SLC25A48: variants seen among roughly 807,000 people sequenced by gnomAD.
The protein encoded by SLC25A48 is CTC-321K16.1.
Under a neutral mutation model 32.2 loss-of-function variants are expected in SLC25A48, and 29 were observed. That is an observed-to-expected ratio of 0.90 (90% confidence interval 0.67 to 1.23). The LOEUF is 1.23. SLC25A48 is among the 50% of genes most tolerant of loss of function. The pLI, the probability that SLC25A48 is intolerant of heterozygous loss-of-function variation, is 0.00. For synonymous variants in SLC25A48, 164 were observed against 172.3 expected, an observed-to-expected ratio of 0.95 and a Z score of 0.38; for missense variants, 399 against 422.7, an observed-to-expected ratio of 0.94 and a Z score of 0.49.
At position 135,744,743 on chromosome 5, in the gene SLC25A48, C is replaced by T. The variant is rs578211324; in HGVS notation, c.-520-67780C>T. Among the ~76,000 whole-genome samples the T allele has an allele frequency of 2.6e-5, 4 of 152,228 alleles. No homozygotes were observed. In the South Asian group the frequency reaches 8.3e-4, roughly 32 times the overall value. On this transcript the variant is annotated intron_variant, in intron 3 of 10. Transcript: ENST00000646290. ...CAAACCCAACTCTCTCTTTGAACTC[C>T]TTCAAGATTCTCCCCCTTGGCTGGG...
chr5:135,703,709 A>C (rs529480506), intron 3 of SLC25A48, among the ~76,000 whole-genome samples: 2 of 152,122 alleles, frequency 1.3e-5, no homozygotes, highest in Non-Finnish European at 2.9e-5. Context: ...CTGACACCAC[A>C]CAGTAACTTG....
At chr5:135,755,029 T>C (rs1755862757) in intron 3 of SLC25A48, among the ~76,000 whole-genome samples, 1 of 152,144 alleles carries the variant, frequency 6.6e-6, no homozygotes, top group Non-Finnish European at 1.5e-5. Context: ...ATTGATAATA[T>C]CCAGTGTTTA....
intron 3 of SLC25A48, among the ~76,000 whole-genome samples, chr5:135,781,814 C>T (rs142213521): frequency 0.018 from 2,054 of 115,708 alleles, 629 homozygotes; most frequent in Middle Eastern, 0.046. Context: ...AGTGTACACC[C>T]TTTCTGTGAT....
chr5:135,719,611 A>C (rs1392690560), intron 3 of SLC25A48, among the ~76,000 whole-genome samples: 2 of 152,186 alleles, frequency 1.3e-5, no homozygotes, highest in African/African-American at 4.8e-5. Flanking sequence ...ATCTGAGCCC[A>C]GCCCTGCTCA....
At chr5:135,786,163 G>T (rs984246148) in intron 3 of SLC25A48, among the ~76,000 whole-genome samples, 5 of 151,574 alleles carry the variant, frequency 3.3e-5, no homozygotes, top group African/African-American at 1.2e-4. Context: ...TCATATCCAA[G>T]TGGGGAGACG....
chr5:135,651,344 A>T (rs1159440274), intron 3 of SLC25A48, among the ~76,000 whole-genome samples: 1 of 152,034 alleles, frequency 6.6e-6, no homozygotes, highest in East Asian at 1.9e-4. Flanking sequence ...GGAATGCCAC[A>T]CTCATCCTTG....
At chr5:135,842,324 A>G (rs1759075054) in intron 1 of SLC25A48, 92 bp from the exon 2 acceptor site, 1 of 1,365,276 alleles carries the variant, frequency 7.3e-7, no homozygotes, top group African/African-American at 1.4e-5. Flanking sequence ...TTGACCGTTG[A>G]CTAAACAAGT....
intron 3 of SLC25A48, among the ~76,000 whole-genome samples, chr5:135,641,611 G>A (rs1028157876): frequency 6.6e-6 from 1 of 152,294 alleles, no homozygotes; most frequent in African/African-American, 2.4e-5. Context: ...ACCTCTTTGG[G>A]TAGCTGTAGG....
At chr5:135,674,844 C>CT (rs1753731707) in intron 3 of SLC25A48, among the ~76,000 whole-genome samples, 1 of 151,482 alleles carries the variant, frequency 6.6e-6, no homozygotes, top group Admixed American at 6.6e-5. Flanking sequence ...ATACTGTTTC[C>CT]TTTTCTTTTG....
intron 3 of SLC25A48, among the ~76,000 whole-genome samples, chr5:135,764,699 T>TA (rs1196571008): frequency 2.9e-5 from 4 of 140,020 alleles, no homozygotes; most frequent in Non-Finnish European, 6.2e-5. Flanking sequence ...ATACAATTCA[T>TA]AATATCTGGG....
chr5:135,631,169 G>C (rs1752559753), intron 2 of SLC25A48, among the ~76,000 whole-genome samples: 1 of 152,196 alleles, frequency 6.6e-6, no homozygotes, highest in South Asian at 2.1e-4. Context: ...GGTCAGCTGG[G>C]CTGAGCGTGG....
At chr5:135,639,526 C>T (rs916801) in intron 3 of SLC25A48, among the ~76,000 whole-genome samples, 32,478 of 151,920 alleles carry the variant, frequency 0.21, 3,997 homozygotes, top group Middle Eastern at 0.3. Flanking sequence ...TGTGTATAGG[C>T]GGGGAGAGTG....
chr5:135,624,264 G>A (rs938145423), intron 1 of SLC25A48, among the ~76,000 whole-genome samples: 3 of 152,210 alleles, frequency 2.0e-5, no homozygotes, highest in Non-Finnish European at 4.4e-5. Context: ...CCGTCCCAGA[G>A]CATCTAGAGG....
intron 4 of SLC25A48, among the ~76,000 whole-genome samples, chr5:135,863,907 G>C (rs182970277): frequency 5.1e-4 from 77 of 152,312 alleles, no homozygotes; most frequent in Non-Finnish European, 1.0e-4. Flanking sequence ...TCATTTCCAA[G>C]TTGGGAGAGA....
intron 3 of SLC25A48, among the ~76,000 whole-genome samples, chr5:135,679,320 G>A (rs538956222): frequency 6.6e-6 from 1 of 152,304 alleles, no homozygotes; most frequent in East Asian, 1.9e-4. Flanking sequence ...CAGTCCTCAG[G>A]CCCCTGGACA....
intron 7 of SLC25A48, among the ~76,000 whole-genome samples, chr5:135,884,050 C>T (rs558099824): frequency 6.6e-6 from 1 of 152,292 alleles, no homozygotes; most frequent in East Asian, 1.9e-4. Flanking sequence ...CCACCACCAG[C>T]CGTGCAGAAC....
chr5:135,715,145 G>A (rs1754762656), intron 3 of SLC25A48, among the ~76,000 whole-genome samples: 1 of 152,180 alleles, frequency 6.6e-6, no homozygotes, highest in African/African-American at 2.4e-5. Context: ...GCTGAACTGG[G>A]GCAGAGATAG....
intron 3 of SLC25A48, among the ~76,000 whole-genome samples, chr5:135,670,204 T>A (rs1002727895): frequency 6.6e-6 from 1 of 152,122 alleles, no homozygotes; most frequent in Admixed American, 6.5e-5. Flanking sequence ...TCCCTTAACT[T>A]TTCTGAGTCT....
chr5:135,675,863 C>T (rs1408461238), intron 3 of SLC25A48, among the ~76,000 whole-genome samples: 1 of 151,806 alleles, frequency 6.6e-6, no homozygotes, highest in Non-Finnish European at 1.5e-5. Flanking sequence ...TGTTTGTGTC[C>T]TCTTCAATTT....
Sources: gnomAD v4.1 joint callset for allele counts (sites outside exome capture counted in the v4.1 genomes callset) on GRCh38, gnomAD v4.1.1 for gene constraint, MANE v1.5 for transcripts, NCBI Gene and HGNC (gene_info 2026-07-23, HGNC 2026-07-21) for gene names.